LYST: variants seen among roughly 807,000 people sequenced by gnomAD.
LYST encodes lysosomal trafficking regulator.
In LYST, 192 loss-of-function variants were observed where a neutral mutation model predicts 413.6. That is an observed-to-expected ratio of 0.46 (90% confidence interval 0.41 to 0.52). LYST has a LOEUF of 0.52. Ranked by LOEUF, LYST falls within the 20% of genes least tolerant of loss-of-function variation. The probability of loss-of-function intolerance (pLI) is 0.00; values close to 1 mark genes in which losing one functional copy is unlikely to be tolerated. For synonymous variants in LYST, 1,525 were observed against 1,567.3 expected (o/e 0.97, Z 0.64); for missense variants, 3,815 against 4,499.9 (o/e 0.85, Z 4.35).
At chr1:235,716,197 C>A (rs894824123) in intron 41 of LYST, among the ~76,000 whole-genome samples, 2 of 152,068 alleles carry the variant, frequency 1.3e-5, no homozygotes, top group Non-Finnish European at 2.9e-5. Flanking sequence ...GAATGTAATG[C>A]GTAGCTATTG....
chr1:235,733,934 T>A, intron 32 of LYST, 28 bp from the exon 33 acceptor site: 1 of 1,094,970 alleles, frequency 9.1e-7, no homozygotes, highest in Non-Finnish European at 1.3e-6. Context: ...TAATATACTA[T>A]ATAAAATTTA....
chr1:235,799,381 G>A (rs1671940465), intron 10 of LYST, among the ~76,000 whole-genome samples: 2 of 152,128 alleles, frequency 1.3e-5, no homozygotes, highest in African/African-American at 4.8e-5. Flanking sequence ...AGGGAAAATA[G>A]TAACTTTACA....
intron 1 of LYST, among the ~76,000 whole-genome samples, chr1:235,866,432 G>C (rs1213882480): frequency 6.6e-6 from 1 of 152,222 alleles, no homozygotes; most frequent in African/African-American, 2.4e-5. Context: ...CTTGGGCCCA[G>C]CTGGGCTGAG....
intron 1 of LYST, among the ~76,000 whole-genome samples, chr1:235,845,586 C>T (rs1202566049): frequency 1.3e-5 from 2 of 152,046 alleles, no homozygotes; most frequent in Non-Finnish European, 2.9e-5. Flanking sequence ...TGGATAGCCT[C>T]GGGGAAGTTT....
In LYST at chr1:235,791,605, A is replaced by G. The variant is rs187360364; in HGVS notation, c.4543+94T>C. The G allele has an allele frequency of 1.2e-5, 12 of 993,716 alleles. No individual in the cohort carries two copies. The African/African-American group carries it at 1.7e-4, about 14-fold the overall frequency. 61.6% of individuals were successfully genotyped at this position (993,716 alleles called of 1,614,324 possible). A position where few individuals can be genotyped will look rare whatever the true frequency, so the allele number is the denominator to read the frequency against. On this transcript the variant is annotated intron_variant, in intron 12 of 52. Transcript: ENST00000389793. ...CATTTAAGGTGAAGAACATGTTAAG[A>G]GTGTTAAGAACACTACCACATTTTT...
At chr1:235,786,898 G>A (rs1473160528) in intron 14 of LYST, among the ~76,000 whole-genome samples, 1 of 114,834 alleles carries the variant, frequency 8.7e-6, no homozygotes, top group Non-Finnish European at 1.7e-5. Context: ...GGGGCCTGTC[G>A]TGGGGTGGGG....
chr1:235,775,224 G>A, intron 17 of LYST, 138 bp from the exon 18 acceptor site: 3 of 694,062 alleles, frequency 4.3e-6, no homozygotes, highest in South Asian at 3.3e-5. Flanking sequence ...CTCTACCTAT[G>A]TAAGGCTTGT....
At position 235,808,655 on chromosome 1, in the gene LYST, T is replaced by C. The variant is rs763783736; in HGVS notation, c.2163A>G (p.Lys721=). ...IANHICNLIQ[K]GNIVVQWKLY... is the part of the protein sequence containing the mutation. ...ATTTCCACTGAACAACTATATTGCCTTTCTGGATTAAATTGCAAATGTGAT... is the reference window on the plus strand; with the variant it reads ...ATTTCCACTGAACAACTATATTGCCCTTCTGGATTAAATTGCAAATGTGAT... Residue 721 remains lysine, a synonymous_variant, in exon 5 of 53, where the codon AAA becomes AAG. Coordinates refer to ENST00000389793, the MANE Select transcript of LYST (RefSeq NM_000081.4). The C allele has an allele frequency of 1.2e-6, 2 of 1,613,380 alleles. No homozygotes were observed. The highest frequency in any genetic ancestry group is 1.7e-6 in the Non-Finnish European group (2 of 1,179,406).
In LYST at chr1:235,706,237, A is replaced by G. The variant is rs1407006508; in HGVS notation, c.10143+2854T>C. On this transcript the variant is annotated intron_variant, in intron 44 of 52. Coordinates refer to ENST00000389793, the MANE Select transcript of LYST (RefSeq NM_000081.4). Reference sequence around the variant, plus strand: ...CCTGGCATACTGAAGGAATCTGAGGAACAGCATGTGCACGAAGGACTTTTT... The same window carrying G: ...CCTGGCATACTGAAGGAATCTGAGGGACAGCATGTGCACGAAGGACTTTTT... Among the ~76,000 whole-genome samples the G allele has an allele frequency of 4.6e-5, 7 of 152,224 alleles. No homozygotes were observed. In the East Asian group the frequency reaches 1.2e-3, roughly 25 times the overall value.
intron 3 of LYST, among the ~76,000 whole-genome samples, chr1:235,820,465 GCT>G (rs1674628990): frequency 2.0e-5 from 3 of 151,938 alleles, no homozygotes; most frequent in African/African-American, 7.3e-5. Context: ...CACTGCCCAG[GCT>G]CAGGCGATCC....
In LYST at chr1:235,797,669, A is replaced by G. The variant is rs529702071; in HGVS notation, c.4006+2651T>C. 3.3e-5 allele frequency among the ~76,000 whole-genome samples: 5 copies of G among 152,298 alleles called. No individual in the cohort carries two copies. The South Asian group carries it at 1.0e-3, about 32-fold the overall frequency. On this transcript the variant is annotated intron_variant, in intron 10 of 52. Coordinates refer to ENST00000389793, the MANE Select transcript of LYST (RefSeq NM_000081.4). The stretch of plus-strand genomic sequence containing the variant: ...AGGATCTAAATGTAAAACTATATAT[A>G]CCTAAGAATAAAACTTACGGGGAAC...
intron 47 of LYST, among the ~76,000 whole-genome samples, chr1:235,690,364 T>C (rs1182014204): frequency 2.0e-5 from 3 of 152,214 alleles, no homozygotes; most frequent in Non-Finnish European, 2.9e-5. Context: ...TATGTTTTTG[T>C]GTTTTCATTT....
At chr1:235,779,902 CA>C (rs977413428) in intron 16 of LYST, among the ~76,000 whole-genome samples, 32 of 152,190 alleles carry the variant, frequency 2.1e-4, no homozygotes, top group African/African-American at 6.3e-4. Flanking sequence ...GTTTCATGGC[CA>C]GATCTACTAG....
Position 235,810,419 on chromosome 1 carries a change from A to T in LYST, c.399T>A (p.Val133=). 6.2e-7 allele frequency: 1 copy of T among 1,612,260 alleles called. No homozygotes were observed. ...TTCGAAAAACATTTACTTTTGCAGAAACCTGACTAGACAGGGCACTTCCTT... is the reference window on the plus strand; with the variant it reads ...TTCGAAAAACATTTACTTTTGCAGATACCTGACTAGACAGGGCACTTCCTT... ...HLEGSALSSQ[V]SAKVNVFRKS... The change falls in exon 5 of 53, where the codon GTT becomes GTA. Residue 133 remains valine (V), a synonymous_variant. Coordinates refer to ENST00000389793, the MANE Select transcript of LYST (RefSeq NM_000081.4).
At chr1:235,753,321 A>G in intron 25 of LYST, 47 bp from the exon 26 acceptor site, 1 of 1,138,296 alleles carries the variant, frequency 8.8e-7, no homozygotes, top group Non-Finnish European at 1.3e-6. Context: ...CAATCACAAA[A>G]TAAGAAAATA....
At chr1:235,678,416 C>T (rs944960114) in intron 48 of LYST, among the ~76,000 whole-genome samples, 13 of 152,064 alleles carry the variant, frequency 8.5e-5, no homozygotes, top group African/African-American at 2.9e-4. Context: ...CTAATGCTAC[C>T]GATACTCAGC....
chr1:235,712,713 C>T (rs1033230938), intron 42 of LYST: 7 of 984,810 alleles, frequency 7.1e-6, no homozygotes, highest in East Asian at 1.1e-4. Flanking sequence ...GCGTAGGTTA[C>T]GGTGCATTGT....
chr1:235,779,414 T>C (rs1669632510), intron 16 of LYST, among the ~76,000 whole-genome samples: 1 of 152,208 alleles, frequency 6.6e-6, no homozygotes, highest in African/African-American at 2.4e-5. Context: ...TTAAAGTTAT[T>C]ACTTGAACAA....
chr1:235,717,927 G>C (rs1209846337), intron 40 of LYST, among the ~76,000 whole-genome samples: 1 of 151,246 alleles, frequency 6.6e-6, no homozygotes, highest in Admixed American at 6.6e-5. Context: ...GAAGTGGCGT[G>C]ATCTCAGCTC....
Sources: gnomAD v4.1 joint callset for allele counts (sites outside exome capture counted in the v4.1 genomes callset) on GRCh38, gnomAD v4.1.1 for gene constraint, MANE v1.5 for transcripts, NCBI Gene and HGNC (gene_info 2026-07-23, HGNC 2026-07-21) for gene names.